The following FOLH1 variants were observed in gnomAD, a reference collection of about 807,000 sequenced individuals.
FOLH1 encodes the protein glutamate carboxypeptidase 2.
FOLH1 carries 54 observed loss-of-function variants against 93.9 expected under a neutral mutation model. The ratio of observed to expected loss-of-function variants is 0.57; its 90% confidence interval spans 0.46 to 0.72. The LOEUF is 0.72. Among genes scored for constraint, FOLH1 ranks in the 30% least tolerant of loss-of-function variants. The pLI, the probability that FOLH1 is intolerant of heterozygous loss-of-function variation, is 0.00. For missense variants in FOLH1, 571 were observed against 892.5 expected (o/e 0.64, Z 4.59); for synonymous variants, 249 against 303.6 (o/e 0.82, Z 1.87).
At chr11:49,180,569 T>C (rs1860604219) in intron 7 of FOLH1, among the ~76,000 whole-genome samples, 1 of 152,232 alleles carries the variant, frequency 6.6e-6, no homozygotes, top group Non-Finnish European at 1.5e-5. Flanking sequence ...TTTCATGATA[T>C]ATTCCATTTG....
chr11:49,162,784 TC>T (rs1319570026), intron 13 of FOLH1: 1 of 152,362 alleles, frequency 6.6e-6, no homozygotes, highest in East Asian at 1.9e-4. Context: ...TCCTTTTTTT[TC>T]TTTTCTTTTT....
intron 2 of FOLH1, among the ~76,000 whole-genome samples, chr11:49,205,278 A>T (rs1863775712): frequency 6.6e-6 from 1 of 152,182 alleles, no homozygotes; most frequent in Non-Finnish European, 1.5e-5. Flanking sequence ...AATTCTATAT[A>T]AGTATTTTCT....
chr11:49,193,637 A>G (rs1379693434), intron 3 of FOLH1, among the ~76,000 whole-genome samples: 3 of 152,168 alleles, frequency 2.0e-5, no homozygotes, highest in African/African-American at 2.4e-5. Context: ...TGAACCAAAT[A>G]TATGTTTTTT....
At chr11:49,147,979 A>G (rs1855978441) in intron 18 of FOLH1, among the ~76,000 whole-genome samples, 1 of 152,006 alleles carries the variant, frequency 6.6e-6, no homozygotes, top group Non-Finnish European at 1.5e-5. Flanking sequence ...GCTACTGGTG[A>G]TCTGATCCAG....
chr11:49,177,724 G>A (rs544247687), intron 7 of FOLH1, among the ~76,000 whole-genome samples: 1 of 147,650 alleles, frequency 6.8e-6, no homozygotes, highest in South Asian at 2.1e-4. Context: ...GAGGCAAGCG[G>A]ATCACCTGAG....
chr11:49,193,906 TC>T (rs1862333456), intron 3 of FOLH1, among the ~76,000 whole-genome samples: 1 of 152,060 alleles, frequency 6.6e-6, no homozygotes, highest in South Asian at 2.1e-4. Flanking sequence ...ACGCCTGTAA[TC>T]CCAGCACTTT....
intron 2 of FOLH1, among the ~76,000 whole-genome samples, chr11:49,204,719 T>C (rs1437294091): frequency 6.6e-6 from 1 of 152,158 alleles, no homozygotes; most frequent in Non-Finnish European, 1.5e-5. Flanking sequence ...AACATATATA[T>C]GTTTGTATGA....
At position 49,200,535 on chromosome 11, in the gene FOLH1, T is replaced by C. The variant is rs1863155429; in HGVS notation, c.225-94A>G. 3 of 1,363,954 alleles carry C rather than the reference T, an allele frequency of 2.2e-6. No homozygotes were observed. In the East Asian group the frequency reaches 7.1e-5, roughly 32 times the overall value. 84.5% of individuals were successfully genotyped at this position (1,363,954 alleles called of 1,614,324 possible). A position where few individuals can be genotyped will look rare whatever the true frequency, so the allele number is the denominator to read the frequency against. The stretch of plus-strand genomic sequence containing the variant: ...TAAAGCAGAGTTACACAAAAGTACT[T>C]TGAAGTGTGATACGTTAAAAAATTA... On this transcript the variant is annotated intron_variant, in intron 2 of 18. Coordinates refer to ENST00000256999, the MANE Select transcript of FOLH1 (RefSeq NM_004476.3).
intron 7 of FOLH1, among the ~76,000 whole-genome samples, chr11:49,179,637 A>T (rs918168857): frequency 3.9e-5 from 6 of 152,204 alleles, no homozygotes; most frequent in African/African-American, 1.4e-4. Context: ...AGCTGTAAAC[A>T]CCTATATAGA....
intron 3 of FOLH1, among the ~76,000 whole-genome samples, chr11:49,198,658 C>A (rs1228759271): frequency 1.5e-5 from 2 of 137,276 alleles, no homozygotes; most frequent in Admixed American, 7.3e-5. Flanking sequence ...AAAGACCCCT[C>A]GGTATTTAAC....
At chr11:49,169,463 G>A (rs1243606786) in intron 11 of FOLH1, among the ~76,000 whole-genome samples, 3 of 152,098 alleles carry the variant, frequency 2.0e-5, no homozygotes, top group Non-Finnish European at 4.4e-5. Flanking sequence ...AGCAAAACTT[G>A]TTAAAAGCTA....
intron 3 of FOLH1, among the ~76,000 whole-genome samples, chr11:49,198,414 G>C (rs1171070097): frequency 6.6e-6 from 1 of 151,558 alleles, no homozygotes; most frequent in East Asian, 1.9e-4. Flanking sequence ...CCCGGGAGGC[G>C]GAGCTTGCAG....
intron 11 of FOLH1, among the ~76,000 whole-genome samples, chr11:49,169,801 CTT>C (rs777203801): frequency 3.9e-5 from 6 of 152,108 alleles, no homozygotes; most frequent in Non-Finnish European, 8.8e-5. Context: ...TAATTGCACA[CTT>C]TTAGAACAAA....
chr11:49,198,400 T>C (rs567320129), intron 3 of FOLH1, among the ~76,000 whole-genome samples: 1 of 151,708 alleles, frequency 6.6e-6, no homozygotes, highest in East Asian at 2.0e-4. Context: ...GAGAATGGTG[T>C]GAACCCGGGA....
chr11:49,153,724 T>C (rs180840512), intron 17 of FOLH1, 122 bp downstream of exon 17: 5 of 674,658 alleles, frequency 7.4e-6, no homozygotes, highest in Non-Finnish European at 1.1e-5. Context: ...TAAAACAAAT[T>C]TAAAAAAAAG....
chr11:49,180,418 C>G (rs1328690698), intron 7 of FOLH1, among the ~76,000 whole-genome samples: 1 of 152,218 alleles, frequency 6.6e-6, no homozygotes, highest in African/African-American at 2.4e-5. Flanking sequence ...TGTCCCCTTT[C>G]TGTCCCACTC....
intron 13 of FOLH1, among the ~76,000 whole-genome samples, chr11:49,160,399 T>G (rs1032364013): frequency 3.3e-5 from 5 of 151,998 alleles, no homozygotes; most frequent in African/African-American, 1.2e-4. Flanking sequence ...TTCTCTAGTA[T>G]ATTTAGTTTT....
intron 12 of FOLH1, among the ~76,000 whole-genome samples, chr11:49,168,436 C>T (rs1479758881): frequency 6.6e-6 from 1 of 152,112 alleles, no homozygotes; most frequent in Non-Finnish European, 1.5e-5. Context: ...TGGTCCTTTG[C>T]TTATTAAATA....
chr11:49,187,290 G>A (rs2974883), intron 4 of FOLH1, among the ~76,000 whole-genome samples: 1 of 152,158 alleles, frequency 6.6e-6, no homozygotes, highest in Non-Finnish European at 1.5e-5. Flanking sequence ...TTTGAGTCTC[G>A]ATATTCTCAT....
Sources: gnomAD v4.1 joint callset for allele counts (sites outside exome capture counted in the v4.1 genomes callset) on GRCh38, gnomAD v4.1.1 for gene constraint, MANE v1.5 for transcripts, NCBI Gene and HGNC (gene_info 2026-07-23, HGNC 2026-07-21) for gene names.